Variants in TANGO6 observed in about 807,000 individuals in gnomAD.
TANGO6 encodes the protein transport and Golgi organization protein 6 homolog.
A neutral mutation model predicts 114.2 loss-of-function variants in TANGO6; 90 were observed. That is an observed-to-expected ratio of 0.79 (90% CI 0.66 to 0.94). The LOEUF (loss-of-function observed/expected upper bound fraction) is 0.94, where lower values mean the gene tolerates loss of function less well. TANGO6 is among the 40% of genes least tolerant of loss of function. The pLI is 0.00. For synonymous variants in TANGO6, 477 were observed against 509.8 expected, an observed-to-expected ratio of 0.94 and a Z score of 0.87; for missense variants, 1,274 against 1,315.3, an observed-to-expected ratio of 0.97 and a Z score of 0.49.
intron 15 of TANGO6, among the ~76,000 whole-genome samples, chr16:68,976,759 G>A (rs1343524824): frequency 6.6e-6 from 1 of 152,148 alleles, no homozygotes; most frequent in African/African-American, 2.4e-5. Context: ...TCCGTTTTAG[G>A]GCTGTGTTCT....
chr16:68,858,130 C>G (rs555526518), intron 1 of TANGO6, among the ~76,000 whole-genome samples: 1 of 150,828 alleles, frequency 6.6e-6, no homozygotes, highest in African/African-American at 2.4e-5. Context: ...GTGGCACGAT[C>G]TTTGCTCACT....
rs771820141 is a variant in TANGO6, at chr16:68,927,811, G to A, written c.2371G>A (p.Ala791Thr). 2 of 1,613,986 alleles carry A rather than the reference G, an allele frequency of 1.2e-6. No homozygotes were observed. The highest frequency in any genetic ancestry group is 2.2e-5 in the East Asian group (1 of 44,888). Reference protein sequence around the residue: ...QTSHERPTDVAHSHLEQQQSH... With the variant: ...QTSHERPTDVTHSHLEQQQSH... Reference sequence around the variant, plus strand: ...CAGTCATGAAAGACCCACTGATGTAGCTCATAGCCACCTTGAACAACAGCA... The same window carrying A: ...CAGTCATGAAAGACCCACTGATGTAACTCATAGCCACCTTGAACAACAGCA... Residue 791 changes from alanine (A) to threonine (T), a missense_variant, in exon 13 of 18, where the codon GCT becomes ACT. Ala to Thr is a moderately conservative substitution (Grantham distance 58, BLOSUM62 0). Coordinates refer to ENST00000261778, the MANE Select transcript of TANGO6 (RefSeq NM_024562.2).
At chr16:69,052,032 T>A (rs1416049783) in intron 17 of TANGO6, among the ~76,000 whole-genome samples, 1 of 150,366 alleles carries the variant, frequency 6.7e-6, no homozygotes, top group Non-Finnish European at 1.5e-5. Flanking sequence ...ACTGCAGCCT[T>A]GACCTCCTGG....
At position 68,867,236 on chromosome 16, in the gene TANGO6, T is replaced by A; in HGVS notation, c.994+16T>A. 1.2e-6 allele frequency: 2 copies of A among 1,613,494 alleles called. No homozygotes were observed. The highest frequency in any genetic ancestry group is 1.7e-6 in the Non-Finnish European group (2 of 1,179,730). On this transcript the variant is annotated intron_variant, in intron 4 of 17. Coordinates refer to ENST00000261778, the MANE Select transcript of TANGO6 (RefSeq NM_024562.2). ...GGAGCAGGTGGTAAGAAATAAAATGTTGCTGTGACTTTGGTATCTGTTTTC... is the reference window on the plus strand; with the variant it reads ...GGAGCAGGTGGTAAGAAATAAAATGATGCTGTGACTTTGGTATCTGTTTTC...
chr16:68,874,279 C>T (rs1962323383), intron 4 of TANGO6, among the ~76,000 whole-genome samples: 1 of 152,168 alleles, frequency 6.6e-6, no homozygotes, highest in Non-Finnish European at 1.5e-5. Context: ...GAACAAGATG[C>T]CAGGCTTCAT....
At chr16:68,920,127 C>T (rs1181868623) in intron 12 of TANGO6, among the ~76,000 whole-genome samples, 2 of 152,158 alleles carry the variant, frequency 1.3e-5, no homozygotes, top group Non-Finnish European at 2.9e-5. Flanking sequence ...GGGAATACAG[C>T]AGGGGACAGG....
rs993051286 is a variant in TANGO6, at chr16:68,945,572, G to T, written c.2701+15277G>T. Among the ~76,000 whole-genome samples the T allele has an allele frequency of 3.9e-5, 6 of 152,174 alleles. 1 individual carries two copies. In the East Asian group the frequency reaches 7.7e-4, roughly 20 times the overall value. On this transcript the variant is annotated intron_variant, in intron 14 of 17. Coordinates refer to ENST00000261778, the MANE Select transcript of TANGO6 (RefSeq NM_024562.2). ...TAGCCACCCTAATGGGTGTGAAGGG[G>T]TATCTCATTGTGATTTGATTTGCAC...
intron 15 of TANGO6, 101 bp downstream of exon 15, chr16:68,974,269 A>G: frequency 7.0e-7 from 1 of 1,424,898 alleles, no homozygotes; most frequent in South Asian, 1.2e-5. Context: ...TAGTGTGGTG[A>G]GGGTAGTTTG....
At chr16:68,883,385 C>G (rs1962492230) in intron 7 of TANGO6, among the ~76,000 whole-genome samples, 1 of 152,148 alleles carries the variant, frequency 6.6e-6, no homozygotes, top group Middle Eastern at 3.4e-3. Context: ...TATTGTGTAC[C>G]TTTCATATAA....
rs181031856 is a variant in TANGO6, at chr16:68,859,888, G to T, written c.99G>T (p.Ser33=). The T allele has an allele frequency of 6.4e-7, 1 of 1,555,384 alleles. No homozygotes were observed. The highest frequency in any genetic ancestry group is 1.4e-5 in the African/African-American group (1 of 72,388). The change falls in exon 2 of 18, where the codon TCG becomes TCT. Residue 33 remains serine (S), a synonymous_variant. Transcript: ENST00000261778. ...ALKLLLSPGG[S]GSSSLQVTKH... ...CCTTTTTTTCTTCTTCAAAAGGCTC[G>T]GGCTCAAGTTCACTACAGGTCACAA...
chr16:68,867,303 T>C, intron 4 of TANGO6, 83 bp downstream of exon 4: 1 of 1,569,388 alleles, frequency 6.4e-7, no homozygotes, highest in South Asian at 1.2e-5. Flanking sequence ...TCTTTAGTAT[T>C]TACCTTTAAA....
At chr16:68,871,889 A>T (rs999813932) in intron 4 of TANGO6, among the ~76,000 whole-genome samples, 1 of 152,060 alleles carries the variant, frequency 6.6e-6, no homozygotes, top group Non-Finnish European at 1.5e-5. Flanking sequence ...CAAAGTGCTG[A>T]GTTTACAGGC....
chr16:68,843,918 A>G (rs1309997887), intron 1 of TANGO6, among the ~76,000 whole-genome samples: 3 of 152,172 alleles, frequency 2.0e-5, no homozygotes, highest in African/African-American at 7.2e-5. Flanking sequence ...GGATCCGTTG[A>G]CTGCTGATAT....
At chr16:69,058,483 G>A (rs1960067204) in intron 17 of TANGO6, among the ~76,000 whole-genome samples, 2 of 152,074 alleles carry the variant, frequency 1.3e-5, no homozygotes, top group Non-Finnish European at 2.9e-5. Flanking sequence ...GTTTACATTC[G>A]GATGCCACAC....
intron 12 of TANGO6, among the ~76,000 whole-genome samples, chr16:68,926,612 C>G (rs921006902): frequency 6.6e-6 from 1 of 151,880 alleles, no homozygotes; most frequent in Admixed American, 6.6e-5. Flanking sequence ...ACTGCAACCT[C>G]TGCCTCCCGG....
intron 16 of TANGO6, among the ~76,000 whole-genome samples, chr16:69,039,557 G>A (rs1002595679): frequency 2.0e-5 from 3 of 149,526 alleles, no homozygotes; most frequent in Admixed American, 2.0e-4. Flanking sequence ...GGTCACTTGT[G>A]CCCAGGAGGT....
rs141519222 is a variant in TANGO6, at chr16:68,930,904, T to C, written c.2701+609T>C. ...CACCCACCTTGGCCTTCCAAAGTGC[T>C]GGGATTACAGGCGTGAGCCACCACG... On this transcript the variant is annotated intron_variant, in intron 14 of 17. Transcript: ENST00000261778. Among the ~76,000 whole-genome samples, 1,318 of 152,324 alleles carry C rather than the reference T, an allele frequency of 8.7e-3. 23 individuals carry two copies. The highest frequency in any genetic ancestry group is 0.03 in the African/African-American group (1,244 of 41,564).
chr16:69,056,039 C>CAA (rs564163625), intron 17 of TANGO6, among the ~76,000 whole-genome samples: 1 of 140,072 alleles, frequency 7.1e-6, no homozygotes, highest in Non-Finnish European at 1.6e-5. Flanking sequence ...GACTCCATCT[C>CAA]AAAAAAAAAA....
chr16:69,036,289 G>A (rs1959686103), intron 16 of TANGO6, among the ~76,000 whole-genome samples: 1 of 152,104 alleles, frequency 6.6e-6, no homozygotes, highest in Non-Finnish European at 1.5e-5. Context: ...CTGTCCCATT[G>A]GTCTGCTGGA....
Sources: allele counts gnomAD v4.1 joint callset (sites outside exome capture counted in the v4.1 genomes callset), GRCh38; gene constraint gnomAD v4.1.1; transcripts MANE v1.5; gene names NCBI Gene and HGNC (gene_info 2026-07-23, HGNC 2026-07-21).